Variants in TBC1D30 observed in about 807,000 individuals in gnomAD.
TBC1D30 encodes TBC1 domain family, member 30.
A neutral mutation model predicts 63.2 loss-of-function variants in TBC1D30; 31 were observed. That is an observed-to-expected ratio of 0.49 (90% CI 0.37 to 0.66). The LOEUF (loss-of-function observed/expected upper bound fraction) is 0.66, where lower values mean the gene tolerates loss of function less well. TBC1D30 is among the 30% of genes least tolerant of loss of function. TBC1D30 has a pLI of 0.00. For missense variants in TBC1D30, 810 were observed against 953.6 expected (o/e 0.85, Z 1.98); for synonymous variants, 307 against 361.5 (o/e 0.85, Z 1.71).
At chr12:64,819,472 A>T (rs1873759517) in intron 2 of TBC1D30, among the ~76,000 whole-genome samples, 1 of 131,728 alleles carries the variant, frequency 7.6e-6, no homozygotes, top group African/African-American at 2.9e-5. Context: ...CTGCCAGTGC[A>T]GTGGCATGAT....
At chr12:64,831,220 T>A (rs1161616719) in intron 4 of TBC1D30, among the ~76,000 whole-genome samples, 1 of 152,186 alleles carries the variant, frequency 6.6e-6, no homozygotes. Context: ...GGTTTTTTTT[T>A]AAGGAGGAAG....
At chr12:64,805,378 A>G (rs1335219987) in intron 2 of TBC1D30, among the ~76,000 whole-genome samples, 1 of 152,158 alleles carries the variant, frequency 6.6e-6, no homozygotes, top group Non-Finnish European at 1.5e-5. Context: ...GATAATAATA[A>G]TCATCCCTTT....
In TBC1D30 at chr12:64,827,729, T is replaced by A. The variant is rs1268869500; in HGVS notation, c.155-106T>A. On this transcript the variant is annotated intron_variant, in intron 1 of 11. Coordinates refer to ENST00000539867, the MANE Select transcript of TBC1D30 (RefSeq NM_015279.2). ...TAAAATTTAGTAAAGATACATACTT[T>A]AAAAAAAATTGTGATGATTCAGTAG... is the stretch of plus-strand genomic sequence containing the variant. The A allele has an allele frequency of 1.1e-5, 9 of 826,442 alleles. No individual in the cohort carries two copies. In the East Asian group the frequency reaches 1.1e-4, roughly 10 times the overall value. The allele number at this position is 826,442 out of a possible 1,614,324, so 51.2% of individuals were successfully genotyped here.
Position 64,875,359 on chromosome 12 carries a change from G to C in TBC1D30, c.1857G>C (p.Gly619=), listed in dbSNP as rs1311226150. Reference sequence around the variant, plus strand: ...CCTCTGGTTGTACAGCGACAGCTGGGAGAGAAGGCAGCAGCCCTGAAGGCA... The same window carrying C: ...CCTCTGGTTGTACAGCGACAGCTGGCAGAGAAGGCAGCAGCCCTGAAGGCA... ...AFPSGCTATA[G]REGSSPEGST... Residue 619 remains glycine (G), a synonymous_variant, in exon 12 of 12, where the codon GGG becomes GGC. Transcript: ENST00000539867. 3 of 1,536,154 alleles carry C rather than the reference G, an allele frequency of 2.0e-6. No individual in the cohort carries two copies. Among genetic ancestry groups the C allele is most frequent in the Non-Finnish European group, 2.6e-6 (3 of 1,146,934 alleles).
At chr12:64,857,742 C>T (rs1877429163) in intron 8 of TBC1D30, among the ~76,000 whole-genome samples, 1 of 152,234 alleles carries the variant, frequency 6.6e-6, no homozygotes, top group Non-Finnish European at 1.5e-5. Context: ...CCTGCACTGG[C>T]GAGGCTTGCT....
At chr12:64,834,707 C>CTT (rs11374555) in intron 5 of TBC1D30, among the ~76,000 whole-genome samples, 1,199 of 76,320 alleles carry the variant, frequency 0.016, 70 homozygotes, top group Non-Finnish European at 0.022. Context: ...CCGTGCCGGG[C>CTT]TTTTTTTTTT....
intron 9 of TBC1D30, among the ~76,000 whole-genome samples, chr12:64,865,468 A>G (rs1878132133): frequency 6.6e-6 from 1 of 151,988 alleles, no homozygotes; most frequent in Admixed American, 6.6e-5. Flanking sequence ...CTATAAGTAG[A>G]CTCAAAAATA....
chr12:64,848,052 A>G (rs1278708189), intron 8 of TBC1D30, among the ~76,000 whole-genome samples: 1 of 151,858 alleles, frequency 6.6e-6, no homozygotes, highest in Non-Finnish European at 1.5e-5. Context: ...ACTTTATTAT[A>G]TCTGGGTGCT....
chr12:64,851,960 T>C lies in TBC1D30; in HGVS notation c.1038+8475T>C, dbSNP rs374641157. Among the ~76,000 whole-genome samples the C allele has an allele frequency of 3.3e-4, 51 of 152,308 alleles. 1 individual carries two copies. In the South Asian group the frequency reaches 0.011, roughly 32 times the overall value. On this transcript the variant is annotated intron_variant, in intron 8 of 11. Coordinates refer to ENST00000539867, the MANE Select transcript of TBC1D30 (RefSeq NM_015279.2). ...TTGGCTGCCCTTAACATTTTTTCCT[T>C]CATTTCAACCTTGGTGAATCTGACG... is the stretch of plus-strand genomic sequence containing the variant.
In TBC1D30 at chr12:64,780,941, CT is replaced by C; in HGVS notation, c.134del (p.Leu45ProfsTer38). The C allele has an allele frequency of 9.5e-7, 1 of 1,057,792 alleles. No individual in the cohort carries two copies. The highest frequency in any genetic ancestry group is 1.2e-6 in the Non-Finnish European group (1 of 867,778). The allele number at this position is 1,057,792 out of a possible 1,614,324, so 65.5% of individuals were successfully genotyped here. On this transcript the variant is annotated frameshift_variant, in exon 1 of 13. Transcript: ENST00000542120. LOFTEE classifies it high-confidence loss of function. ...TCCTGCAGCTCCCCCAGCCCCGCGC[CT>C]CCGGGGAGCGGCGGAGCGGCCGCGG... is the stretch of plus-strand genomic sequence containing the variant.
chr12:64,800,931 GT>G (rs1872556600), intron 2 of TBC1D30, among the ~76,000 whole-genome samples: 2 of 152,148 alleles, frequency 1.3e-5, no homozygotes, highest in Non-Finnish European at 2.9e-5. Context: ...ATTACACTTG[GT>G]TTCTCAGCAA....
intron 2 of TBC1D30, among the ~76,000 whole-genome samples, chr12:64,808,838 G>A (rs1328864581): frequency 1.3e-5 from 2 of 151,558 alleles, no homozygotes; most frequent in African/African-American, 4.9e-5. Flanking sequence ...CATCCATGCT[G>A]TAGCATGGAT....
chr12:64,812,748 G>T (rs1459620008), intron 2 of TBC1D30, among the ~76,000 whole-genome samples: 4 of 150,454 alleles, frequency 2.7e-5, no homozygotes, highest in Non-Finnish European at 5.9e-5. Flanking sequence ...TGCTGTGAAA[G>T]ATTGATTTTT....
intron 2 of TBC1D30, among the ~76,000 whole-genome samples, chr12:64,804,238 T>C (rs1353331495): frequency 6.6e-6 from 1 of 152,216 alleles, no homozygotes; most frequent in East Asian, 1.9e-4. Context: ...CTAGGTATTT[T>C]ATTTTCTTTG....
At chr12:64,812,864 G>A (rs1367238276) in intron 2 of TBC1D30, among the ~76,000 whole-genome samples, 3 of 151,758 alleles carry the variant, frequency 2.0e-5, no homozygotes, top group Non-Finnish European at 4.4e-5. Context: ...TGTCTGCATC[G>A]TAGCTCATTC....
intron 2 of TBC1D30, among the ~76,000 whole-genome samples, chr12:64,817,915 T>G (rs938340984): frequency 6.6e-6 from 1 of 151,924 alleles, no homozygotes; most frequent in African/African-American, 2.4e-5. Context: ...ATACAAAAAT[T>G]AGCCGGGCAT....
upstream of TBC1D30, among the ~76,000 whole-genome samples, chr12:64,819,832 G>A (rs530602133): frequency 3.9e-5 from 6 of 152,294 alleles, no homozygotes; most frequent in South Asian, 1.2e-3. Context: ...GTGGGATGAG[G>A]AGAGAGGAGG....
chr12:64,770,033 TATTTATAC>T (rs1208383827), intron 1 of TBC1D30, among the ~76,000 whole-genome samples: 2 of 152,230 alleles, frequency 1.3e-5, no homozygotes, highest in Admixed American at 6.5e-5. Flanking sequence ...TCAAAGTGCT[TATTTATAC>T]ATTCTATCAC....
At chr12:64,860,810 C>T (rs1015511300) in intron 8 of TBC1D30, among the ~76,000 whole-genome samples, 9 of 152,290 alleles carry the variant, frequency 5.9e-5, no homozygotes, top group Middle Eastern at 6.8e-3. Flanking sequence ...CTCAGATTGT[C>T]TAGTGGCAGA....
Sources: allele counts gnomAD v4.1 joint callset (sites outside exome capture counted in the v4.1 genomes callset), GRCh38; gene constraint gnomAD v4.1.1; transcripts MANE v1.5; gene names NCBI Gene and HGNC (gene_info 2026-07-23, HGNC 2026-07-21).